The following FANCC variants were observed in gnomAD, a reference collection of about 807,000 sequenced individuals.
The protein encoded by FANCC is FA complementation group C.
Under a neutral mutation model 71.3 loss-of-function variants are expected in FANCC, and 55 were observed. The observed-to-expected ratio is 0.77, with a 90% CI of 0.62 to 0.97. The LOEUF (loss-of-function observed/expected upper bound fraction) is 0.97. FANCC is among the 50% of genes least tolerant of loss of function. The pLI, the probability that FANCC is intolerant of heterozygous loss-of-function variation, is 0.00. For missense variants in FANCC, 678 were observed against 670.9 expected (o/e 1.01, Z -0.12); for synonymous variants, 275 against 244.9 (o/e 1.12, Z -1.15).
Position 95,100,600 on chromosome 9 carries a change from A to G in FANCC, c.*1107T>C, listed in dbSNP as rs2071040119. ...TGAAAGGAAAAAGCACCCTGTACTG[A>G]CATGAAATAAATGTTAACCTTGAGA... On this transcript the variant is annotated 3_prime_UTR_variant, in exon 15 of 15. Transcript: ENST00000289081. 1 of 230,668 alleles carries G rather than the reference A, an allele frequency of 4.3e-6. No individual in the cohort carries two copies. Among genetic ancestry groups the G allele is most frequent in the African/African-American group, 2.2e-5 (1 of 45,240 alleles). The allele number at this position is 230,668 out of a possible 1,614,324, so 14.3% of individuals were successfully genotyped here. A position where few individuals can be genotyped will look rare whatever the true frequency, so the allele number is the denominator to read the frequency against.
intron 1 of FANCC, among the ~76,000 whole-genome samples, chr9:95,302,322 G>A (rs1054893981): frequency 3.9e-5 from 6 of 152,086 alleles, no homozygotes; most frequent in African/African-American, 1.4e-4. Flanking sequence ...TCTGAACCCG[G>A]CGTCACTATT....
chr9:95,149,168 A>G (rs1829950746), intron 7 of FANCC, among the ~76,000 whole-genome samples: 1 of 152,160 alleles, frequency 6.6e-6, no homozygotes, highest in Non-Finnish European at 1.5e-5. Flanking sequence ...TTTAAGTAAC[A>G]AACACATTTT....
At chr9:95,287,439 A>G (rs902191133) in intron 1 of FANCC, among the ~76,000 whole-genome samples, 2 of 152,114 alleles carry the variant, frequency 1.3e-5, no homozygotes, top group East Asian at 1.9e-4. Flanking sequence ...AACATCATCC[A>G]TATCAGCAGT....
intron 1 of FANCC, among the ~76,000 whole-genome samples, chr9:95,308,450 GT>G (rs11458371): frequency 6.6e-6 from 1 of 151,384 alleles, no homozygotes; most frequent in Non-Finnish European, 1.5e-5. Context: ...CACCCGGCTA[GT>G]TTTTTTTGTA....
chr9:95,170,637 CGTGTGTGTGTGTGTGTGTGT>C (rs3992109), intron 6 of FANCC, among the ~76,000 whole-genome samples: 1 of 124,290 alleles, frequency 8.0e-6, no homozygotes, highest in East Asian at 2.4e-4. Flanking sequence ...TTGTAAATAT[CGTGTGTGTGTGTGTGTGTGT>C]GTGTGTGTGT....
At chr9:95,253,649 T>C (rs988400571) in intron 1 of FANCC, among the ~76,000 whole-genome samples, 34 of 152,142 alleles carry the variant, frequency 2.2e-4, no homozygotes, top group Admixed American at 3.3e-4. Context: ...TTTCAGATAT[T>C]TCTCTTTTAA....
intron 13 of FANCC, 22 bp downstream of exon 13, chr9:95,111,441 T>G (rs771202748): frequency 1.2e-6 from 2 of 1,607,580 alleles, no homozygotes; most frequent in Non-Finnish European, 1.7e-6. Context: ...CCCAAACACA[T>G]GCAGTGGGGC....
chr9:95,299,659 G>A (rs1343673804), intron 1 of FANCC, among the ~76,000 whole-genome samples: 1 of 152,108 alleles, frequency 6.6e-6, no homozygotes, highest in African/African-American at 2.4e-5. Context: ...CCAGGAGTTC[G>A]AGACCAGCCT....
intron 1 of FANCC, chr9:95,293,471 T>G: frequency 6.4e-7 from 1 of 1,572,680 alleles, no homozygotes; most frequent in South Asian, 1.2e-5. Context: ...CTGTTGCTGT[T>G]GAGCCAATAA....
intron 7 of FANCC, chr9:95,142,674 T>G (rs1303651035): frequency 2.6e-5 from 4 of 152,230 alleles, no homozygotes; most frequent in African/African-American, 9.6e-5. Context: ...CCCACTATAC[T>G]TATAAAAGGG....
chr9:95,263,913 A>G (rs1262476394), intron 1 of FANCC, among the ~76,000 whole-genome samples: 4 of 152,124 alleles, frequency 2.6e-5, no homozygotes, highest in Non-Finnish European at 5.9e-5. Flanking sequence ...ACTTCAACAA[A>G]AGGTTTCTCA....
intron 11 of FANCC, among the ~76,000 whole-genome samples, chr9:95,116,823 C>T (rs1460283017): frequency 6.6e-6 from 1 of 152,242 alleles, no homozygotes; most frequent in Non-Finnish European, 1.5e-5. Flanking sequence ...GTGGATGAAG[C>T]ACCTTACTGA....
intron 1 of FANCC, chr9:95,294,874 C>A: frequency 2.2e-6 from 3 of 1,390,654 alleles, no homozygotes; most frequent in South Asian, 1.6e-5. Context: ...AAACTACGGA[C>A]GGGGGACAAC....
intron 1 of FANCC, among the ~76,000 whole-genome samples, chr9:95,251,663 G>A (rs1225671010): frequency 1.3e-5 from 2 of 151,902 alleles, no homozygotes; most frequent in Non-Finnish European, 2.9e-5. Flanking sequence ...AAAATTTTAA[G>A]GTATTTTTAT....
At chr9:95,214,776 G>A (rs1199764375) in intron 4 of FANCC, among the ~76,000 whole-genome samples, 4 of 152,186 alleles carry the variant, frequency 2.6e-5, no homozygotes, top group Admixed American at 2.6e-4. Flanking sequence ...GTATGACTCC[G>A]CTTATATGAG....
chr9:95,137,894 T>C lies in FANCC; in HGVS notation c.687-2392A>G, dbSNP rs543485150. On this transcript the variant is annotated intron_variant, in intron 7 of 14. Coordinates refer to ENST00000289081, the MANE Select transcript of FANCC (RefSeq NM_000136.3). ...CGGGCAGGCCCTGGATGGCAGCACATGGCAGAGAGAGGAGAGGAGTGGAGG... is the reference window on the plus strand; with the variant it reads ...CGGGCAGGCCCTGGATGGCAGCACACGGCAGAGAGAGGAGAGGAGTGGAGG... 9.8e-3 allele frequency among the ~76,000 whole-genome samples: 1,493 copies of C among 152,304 alleles called. 15 individuals carry two copies. The highest frequency in any genetic ancestry group is 0.013 in the Non-Finnish European group (869 of 68,028).
At chr9:95,267,989 G>C (rs1164667868) in intron 1 of FANCC, among the ~76,000 whole-genome samples, 1 of 152,204 alleles carries the variant, frequency 6.6e-6, no homozygotes, top group Non-Finnish European at 1.5e-5. Flanking sequence ...CCCAGCTGCT[G>C]GCCCCACAGC....
chr9:95,122,358 C>G (rs1274246391), intron 10 of FANCC, among the ~76,000 whole-genome samples: 1 of 152,112 alleles, frequency 6.6e-6, no homozygotes, highest in Non-Finnish European at 1.5e-5. Flanking sequence ...TAAAAATGGA[C>G]AGTCAAGAAG....
intron 4 of FANCC, among the ~76,000 whole-genome samples, chr9:95,224,011 G>A (rs987640458): frequency 1.3e-5 from 2 of 152,080 alleles, no homozygotes; most frequent in Non-Finnish European, 2.9e-5. Flanking sequence ...ACAAAAAAAA[G>A]AAGTAATTAC....
Sources: gnomAD v4.1 joint callset for allele counts (sites outside exome capture counted in the v4.1 genomes callset) on GRCh38, gnomAD v4.1.1 for gene constraint, MANE v1.5 for transcripts, NCBI Gene and HGNC (gene_info 2026-07-23, HGNC 2026-07-21) for gene names.